GSE1: variants seen among roughly 807,000 people sequenced by gnomAD.
The protein encoded by GSE1 is Gse1 coiled-coil protein, also known as genetic suppressor element 1.
GSE1 carries 32 observed loss-of-function variants against 112.6 expected under a neutral mutation model. The ratio of observed to expected loss-of-function variants is 0.28; its 90% CI spans 0.21 to 0.38. The LOEUF (loss-of-function observed/expected upper bound fraction) is 0.38. Ranked by LOEUF, GSE1 falls within the 10% of genes least tolerant of loss-of-function variation. The probability of loss-of-function intolerance (pLI) is 1.00; values close to 1 mark genes in which losing one functional copy is unlikely to be tolerated. For missense variants in GSE1, 2,348 were observed against 1,699.2 expected (o/e 1.38, Z -6.71); for synonymous variants, 1,115 against 735.6 (o/e 1.52, Z -8.35).
At position 85,429,210 on chromosome 16, in the gene GSE1, C is replaced by T. The variant is rs565184944; in HGVS notation, c.2464+71567C>T. ...ACGCCTTCTCAGGACACACAGCCCC[C>T]GCCCAGGACCTGTGTCCGGAGCACC... On this transcript the variant is annotated intron_variant, in intron 2 of 2. Coordinates refer to the GSE1 transcript ENST00000637419. Among the ~76,000 whole-genome samples, 8 of 152,320 alleles carry T rather than the reference C, an allele frequency of 5.3e-5. No individual in the cohort carries two copies. In the East Asian group the frequency reaches 7.7e-4, roughly 15 times the overall value.
At chr16:85,316,098 G>A (rs2045980077) in intron 1 of GSE1, among the ~76,000 whole-genome samples, 1 of 152,238 alleles carries the variant, frequency 6.6e-6, no homozygotes, top group African/African-American at 2.4e-5. Context: ...TCCAAAGGGC[G>A]AAGTGAATTT....
At chr16:85,328,414 G>A (rs891431454) in intron 1 of GSE1, among the ~76,000 whole-genome samples, 1 of 152,186 alleles carries the variant, frequency 6.6e-6, no homozygotes, top group African/African-American at 2.4e-5. Context: ...AAGGCACAGC[G>A]GGGGCCGGAG....
intron 1 of GSE1, among the ~76,000 whole-genome samples, chr16:85,268,093 C>T (rs114307277): frequency 6.6e-6 from 1 of 152,286 alleles, no homozygotes; most frequent in African/African-American, 2.4e-5. Flanking sequence ...ACTATGCCCA[C>T]TGCTGAGCGG....
At chr16:85,641,289 C>G (rs894475342) in intron 2 of GSE1, among the ~76,000 whole-genome samples, 1 of 152,246 alleles carries the variant, frequency 6.6e-6, no homozygotes. Context: ...TCTAAGCTCA[C>G]GCTGTTCAGC....
At chr16:85,194,310 G>A (rs1345519275) in intron 1 of GSE1, among the ~76,000 whole-genome samples, 1 of 152,198 alleles carries the variant, frequency 6.6e-6, no homozygotes, top group Non-Finnish European at 1.5e-5. Context: ...TTTCATAGAT[G>A]AAGGAGACTG....
chr16:85,291,622 C>T (rs1226053315), intron 1 of GSE1, among the ~76,000 whole-genome samples: 4 of 152,336 alleles, frequency 2.6e-5, no homozygotes, highest in Admixed American at 6.5e-5. Context: ...GCCTCGTCCC[C>T]GCCCTTTTCC....
chr16:85,656,257 C>A, intron 6 of GSE1, 86 bp from the exon 7 acceptor site: 1 of 1,528,366 alleles, frequency 6.5e-7, no homozygotes. Flanking sequence ...CTGGCTCGTT[C>A]CTGGTTATGC....
chr16:85,538,644 C>T (rs900482203), intron 2 of GSE1, among the ~76,000 whole-genome samples: 2 of 152,108 alleles, frequency 1.3e-5, no homozygotes, highest in African/African-American at 2.4e-5. Flanking sequence ...TTGCCACCTT[C>T]GGAGGCCCCT....
intron 1 of GSE1, among the ~76,000 whole-genome samples, chr16:85,292,548 C>T (rs376481637): frequency 5.3e-5 from 8 of 152,122 alleles, no homozygotes; most frequent in African/African-American, 1.4e-4. Flanking sequence ...AGGATGGTCT[C>T]GATCTTGTGA....
intron 1 of GSE1, among the ~76,000 whole-genome samples, chr16:85,226,762 TG>T (rs1362183506): frequency 3.3e-4 from 3 of 9,052 alleles, no homozygotes; most frequent in African/African-American, 8.9e-4. Flanking sequence ...TGGACTGGTG[TG>T]TGTGTGTGTG....
chr16:85,386,237 T>C (rs2047686248), intron 2 of GSE1, among the ~76,000 whole-genome samples: 1 of 152,184 alleles, frequency 6.6e-6, no homozygotes, highest in Admixed American at 6.5e-5. Flanking sequence ...CCTGACGCCG[T>C]GGCAGGTGCC....
At chr16:85,302,046 G>A (rs542950923) in intron 1 of GSE1, among the ~76,000 whole-genome samples, 104 of 152,272 alleles carry the variant, frequency 6.8e-4, no homozygotes, top group East Asian at 1.9e-4. Context: ...CTCCCTCCCC[G>A]GCTGAGCTGC....
intron 1 of GSE1, among the ~76,000 whole-genome samples, chr16:85,304,841 T>A (rs2045632692): frequency 6.6e-6 from 1 of 152,182 alleles, no homozygotes; most frequent in Non-Finnish European, 1.5e-5. Context: ...CCAGCGTTGT[T>A]CATTGCTGTT....
intron 1 of GSE1, among the ~76,000 whole-genome samples, chr16:85,301,135 A>G (rs2045512384): frequency 6.6e-6 from 1 of 152,152 alleles, no homozygotes; most frequent in South Asian, 2.1e-4. Context: ...TCCCTCTCCC[A>G]TCACATGGCG....
At chr16:85,318,851 G>A (rs934328784) in intron 1 of GSE1, among the ~76,000 whole-genome samples, 28 of 152,206 alleles carry the variant, frequency 1.8e-4, no homozygotes, top group Admixed American at 7.9e-4. Context: ...CAGTTCCTGG[G>A]CCACCTTAGC....
At chr16:85,426,998 G>A (rs1022839497) in intron 2 of GSE1, among the ~76,000 whole-genome samples, 10 of 152,162 alleles carry the variant, frequency 6.6e-5, no homozygotes, top group African/African-American at 2.4e-4. Context: ...GCCTCAGTTT[G>A]CCTGCCTAGG....
intron 3 of GSE1, among the ~76,000 whole-genome samples, chr16:85,650,762 T>A (rs963612183): frequency 6.6e-6 from 1 of 152,022 alleles, no homozygotes; most frequent in Non-Finnish European, 1.5e-5. Context: ...CATTTAATCC[T>A]CTCGGAGTGG....
At chr16:85,670,731 T>G (rs975308381) in intron 14 of GSE1, 1 of 250,038 alleles carries the variant, frequency 4.0e-6, no homozygotes, top group Non-Finnish European at 7.6e-6. Context: ...GCCATCAAAT[T>G]TCTTCCTAAT....
chr16:85,251,685 G>T (rs1906500982), intron 1 of GSE1, among the ~76,000 whole-genome samples: 1 of 152,234 alleles, frequency 6.6e-6, no homozygotes, highest in South Asian at 2.1e-4. Flanking sequence ...TCTTTCACAC[G>T]CAGGCCTCTG....
Sources: gnomAD v4.1 joint callset for allele counts (sites outside exome capture counted in the v4.1 genomes callset) on GRCh38, gnomAD v4.1.1 for gene constraint, MANE v1.5 for transcripts, NCBI Gene and HGNC (gene_info 2026-07-23, HGNC 2026-07-21) for gene names.